Variants in ZNF90 observed in about 807,000 individuals in gnomAD.
The protein encoded by ZNF90 is zinc finger protein 90.
Under a neutral mutation model 12.0 loss-of-function variants are expected in ZNF90, and 11 were observed. The observed-to-expected ratio is 0.92, with a 90% confidence interval of 0.58 to 1.52. The LOEUF (loss-of-function observed/expected upper bound fraction) is 1.52, where lower values mean the gene tolerates loss of function less well. Ranked by LOEUF, ZNF90 falls within the 40% of genes most tolerant of loss-of-function variation. ZNF90 has a pLI of 0.00. For missense variants in ZNF90, 765 were observed against 711.5 expected (o/e 1.08, Z -0.86); for synonymous variants, 232 against 240.1 (o/e 0.97, Z 0.31).
In ZNF90 at chr19:20,104,456, G is replaced by T. The variant is rs919274781; in HGVS notation, c.130+91G>T. The T allele has an allele frequency of 1.3e-5, 18 of 1,406,604 alleles. No individual in the cohort carries two copies. In the South Asian group the frequency reaches 2.7e-4, roughly 21 times the overall value. 87.1% of individuals were successfully genotyped at this position (1,406,604 alleles called of 1,614,324 possible). A position where few individuals can be genotyped will look rare whatever the true frequency, so the allele number is the denominator to read the frequency against. On this transcript the variant is annotated intron_variant, in intron 2 of 3. Transcript: ENST00000418063. ...AATGATTTTTAGTAATGTATTGTTT[G>T]CATAAGAGAGTTTTAGATCCCCCTT...
Position 20,104,259 on chromosome 19 carries a change from T to A in ZNF90, c.24T>A (p.Asp8Glu), listed in dbSNP as rs1469493463. Residue 8 changes from aspartate (D) to glutamate (E), a missense_variant, in exon 2 of 4, where the codon GAT becomes GAA. Transcript: ENST00000418063. ...TTCAGGGACCATTGGAATTTAGAGA[T>A]GTGGCCATAGAATTCTCTCTGGAGG... MGPLEFRDVAIEFSLEEW... is the reference protein window; with the variant it reads MGPLEFREVAIEFSLEEW... The A allele has an allele frequency of 1.9e-6, 3 of 1,613,928 alleles. No individual in the cohort carries two copies. Among genetic ancestry groups the A allele is most frequent in the African/African-American group, 1.3e-5 (1 of 74,918 alleles).
At chr19:20,101,825 G>T (rs1322452548) in intron 1 of ZNF90, among the ~76,000 whole-genome samples, 1 of 152,114 alleles carries the variant, frequency 6.6e-6, no homozygotes, top group East Asian at 1.9e-4. Context: ...TGTCCACTTT[G>T]CCTCCTGGAC....
chr19:20,106,345 T>C (rs2089038091), intron 3 of ZNF90, among the ~76,000 whole-genome samples: 1 of 152,206 alleles, frequency 6.6e-6, no homozygotes, highest in Admixed American at 6.5e-5. Flanking sequence ...TTTATTTATT[T>C]CACTAATTCT....
chr19:20,094,807 G>A (rs1194478580), intron 1 of ZNF90, among the ~76,000 whole-genome samples: 2 of 152,202 alleles, frequency 1.3e-5, no homozygotes, highest in Admixed American at 6.5e-5. Flanking sequence ...GGTCTGATGA[G>A]AAAGAGCCTA....
At chr19:20,103,242 TC>T (rs2089004465) in intron 1 of ZNF90, among the ~76,000 whole-genome samples, 2 of 152,306 alleles carry the variant, frequency 1.3e-5, no homozygotes, top group South Asian at 4.1e-4. Flanking sequence ...AGGCACATGA[TC>T]TACAGCTGTG....
chr19:20,105,263 A>T lies in ZNF90; in HGVS notation c.173A>T (p.Gln58Leu). 6.2e-7 allele frequency: 1 copy of T among 1,608,136 alleles called. No homozygotes were observed. Among genetic ancestry groups the T allele is most frequent in the Non-Finnish European group, 8.5e-7 (1 of 1,177,082 alleles). Residue 58 changes from glutamine (Q) to leucine (L), a missense_variant, in exon 3 of 4, where the codon CAA becomes CTA. By Grantham distance (113) the Gln-to-Leu change is moderately radical. Transcript: ENST00000418063. ...TKPDLITCLE[Q>L]GKKPFTVKRH... ...CCAGACCTGATCACCTGTCTGGAGC[A>T]AGGAAAAAAACCCTTCACTGTGAAG...
intron 1 of ZNF90, among the ~76,000 whole-genome samples, chr19:20,096,457 G>C (rs983919642): frequency 6.6e-6 from 1 of 152,090 alleles, no homozygotes; most frequent in Non-Finnish European, 1.5e-5. Flanking sequence ...ATAAGGGTGG[G>C]GCCATTTTAT....
In ZNF90 at chr19:20,104,458, A is replaced by G. The variant is rs1555704195; in HGVS notation, c.130+93A>G. 4.3e-6 allele frequency: 6 copies of G among 1,406,318 alleles called. No individual in the cohort carries two copies. The South Asian group carries it at 6.5e-5, about 15-fold the overall frequency. 87.1% of individuals were successfully genotyped at this position (1,406,318 alleles called of 1,614,324 possible). A position where few individuals can be genotyped will look rare whatever the true frequency, so the allele number is the denominator to read the frequency against. On this transcript the variant is annotated intron_variant, in intron 2 of 3. Transcript: ENST00000418063. ...TGATTTTTAGTAATGTATTGTTTGC[A>G]TAAGAGAGTTTTAGATCCCCCTTTT...
rs782568010 is a variant in ZNF90, at chr19:20,118,018, A to C, written c.464A>C (p.His155Pro). The change falls in exon 4 of 4, where the codon CAT becomes CCT. Residue 155 changes from histidine (H) to proline (P), a missense_variant. His to Pro is a moderately conservative substitution (Grantham distance 77, BLOSUM62 -2). Coordinates refer to ENST00000418063, the MANE Select transcript of ZNF90 (RefSeq NM_007138.2). The part of the protein sequence containing the change: ...FQCDTYVKVS[H>P]IFSNSNRHKI... ...TGTGATACATATGTGAAAGTCTCTC[A>C]TATATTTTCAAATTCAAACAGACAT... The C allele has an allele frequency of 6.2e-7, 1 of 1,612,052 alleles. No homozygotes were observed. The highest frequency in any genetic ancestry group is 8.5e-7 in the Non-Finnish European group (1 of 1,178,998).
chr19:20,119,435 A>C lies in ZNF90; in HGVS notation c.*75A>C. ...ACCGTATAAATGTGATGACTGTTGG[A>C]AAGCCTTTGACCACCCCTCTACTCT... On this transcript the variant is annotated 3_prime_UTR_variant, in exon 4 of 4. Coordinates refer to ENST00000418063, the MANE Select transcript of ZNF90 (RefSeq NM_007138.2). 7.4e-7 allele frequency: 1 copy of C among 1,351,984 alleles called. No individual in the cohort carries two copies. The highest frequency in any genetic ancestry group is 1.0e-6 in the Non-Finnish European group (1 of 998,378). 83.7% of individuals were successfully genotyped at this position (1,351,984 alleles called of 1,614,324 possible).
At chr19:20,103,113 G>C (rs2089003079) in intron 1 of ZNF90, among the ~76,000 whole-genome samples, 1 of 152,148 alleles carries the variant, frequency 6.6e-6, no homozygotes, top group South Asian at 2.1e-4. Flanking sequence ...AGAAAGGTGG[G>C]ACACCAGGGG....
Position 20,119,622 on chromosome 19 carries a change from C to A in ZNF90, c.*262C>A. 3 of 234,246 alleles carry A rather than the reference C, an allele frequency of 1.3e-5. No individual in the cohort carries two copies. Among genetic ancestry groups the A allele is most frequent in the South Asian group, 7.3e-5 (1 of 13,626 alleles). 14.5% of individuals were successfully genotyped at this position (234,246 alleles called of 1,614,324 possible). A position where few individuals can be genotyped will look rare whatever the true frequency, so the allele number is the denominator to read the frequency against. On this transcript the variant is annotated 3_prime_UTR_variant, in exon 4 of 4. Transcript: ENST00000418063. ...CAAAGCCTATAACAAGTTCTCAATT[C>A]TTTTTTTTTTTTTTTAAGAAGGAGT...
intron 3 of ZNF90, among the ~76,000 whole-genome samples, chr19:20,109,120 T>C (rs1264762163): frequency 6.6e-6 from 1 of 152,212 alleles, no homozygotes; most frequent in Non-Finnish European, 1.5e-5. Flanking sequence ...TTTAAGTCAA[T>C]TTGAGGTTTA....
chr19:20,090,245 C>A (rs1251478060), intron 1 of ZNF90, among the ~76,000 whole-genome samples: 1 of 151,994 alleles, frequency 6.6e-6, no homozygotes, highest in Non-Finnish European at 1.5e-5. Context: ...TGGGGCTCGG[C>A]CTAAGTGGTG....
At position 20,079,309 on chromosome 19, in the gene ZNF90, T is replaced by G. The variant is rs866256620; in HGVS notation, c.3+1174T>G. On this transcript the variant is annotated intron_variant, in intron 1 of 3. Coordinates refer to ENST00000418063, the MANE Select transcript of ZNF90 (RefSeq NM_007138.2). ...ATATTAAGCCTGCAAAAGGAGGGTT[T>G]TTTTTTTTTTTTTGAGATGGAGTTT... 4.3e-3 allele frequency among the ~76,000 whole-genome samples: 612 copies of G among 142,640 alleles called. 6 individuals carry two copies. The highest frequency in any genetic ancestry group is 0.016 in the African/African-American group (584 of 36,432). The allele number at this position is 142,640 out of a possible 152,430, so 93.6% of individuals were successfully genotyped here.
rs782670799 is a variant in ZNF90, at chr19:20,104,357, TCTTC to T, written c.126_129del (p.Phe42LeufsTer10). 2 of 1,613,346 alleles carry T rather than the reference TCTTC, an allele frequency of 1.2e-6. No individual in the cohort carries two copies. Among genetic ancestry groups the T allele is most frequent in the Non-Finnish European group, 1.7e-6 (2 of 1,179,750 alleles). On this transcript the variant is annotated frameshift_variant, in exon 2 of 4. Coordinates refer to ENST00000418063, the MANE Select transcript of ZNF90 (RefSeq NM_007138.2). LOFTEE classifies it high-confidence loss of function. ...ATGTTAGAGAACTACAGACACCTGG[TCTTC>T]CTTGGTGAGGATAAGTGGAATACAT...
chr19:20,107,226 C>T, intron 3 of ZNF90: 1 of 315,464 alleles, frequency 3.2e-6, no homozygotes, highest in East Asian at 8.5e-5. Context: ...AATTGGGTGC[C>T]TTTCTCCAGG....
At chr19:20,099,626 C>T (rs2122499706) in intron 1 of ZNF90, among the ~76,000 whole-genome samples, 1 of 152,328 alleles carries the variant, frequency 6.6e-6, no homozygotes, top group South Asian at 2.1e-4. Context: ...CGTCCCACGA[C>T]AGGCAGTCAC....
At chr19:20,092,761 G>C (rs782060903) in intron 1 of ZNF90, among the ~76,000 whole-genome samples, 2 of 152,190 alleles carry the variant, frequency 1.3e-5, no homozygotes, top group African/African-American at 4.8e-5. Flanking sequence ...TGCCGAGGTA[G>C]GTAACGGATG....
Sources: gnomAD v4.1 joint callset for allele counts (sites outside exome capture counted in the v4.1 genomes callset) on GRCh38, gnomAD v4.1.1 for gene constraint, MANE v1.5 for transcripts, NCBI Gene and HGNC (gene_info 2026-07-23, HGNC 2026-07-21) for gene names.